CNTN5: variants seen among roughly 807,000 people sequenced by gnomAD.
CNTN5 encodes contactin 5.
CNTN5 carries 77 observed loss-of-function variants against 129.1 expected under a neutral mutation model. That is an observed-to-expected ratio of 0.60 (90% CI 0.50 to 0.72). The LOEUF (loss-of-function observed/expected upper bound fraction) is 0.72. CNTN5 is among the 30% of genes least tolerant of loss of function. The probability of loss-of-function intolerance (pLI) is 0.00; values close to 1 mark genes in which losing one functional copy is unlikely to be tolerated. For missense variants in CNTN5, 1,478 were observed against 1,328.8 expected, an observed-to-expected ratio of 1.11 and a Z score of -1.75; for synonymous variants, 509 against 465.6, an observed-to-expected ratio of 1.09 and a Z score of -1.20.
chr11:99,633,328 G>A (rs943622733), intron 3 of CNTN5, among the ~76,000 whole-genome samples: 1 of 152,176 alleles, frequency 6.6e-6, no homozygotes. Context: ...TATAGTAATG[G>A]CATATTTAGA....
intron 3 of CNTN5, among the ~76,000 whole-genome samples, chr11:99,681,778 T>G (rs1351682544): frequency 6.6e-6 from 1 of 152,070 alleles, no homozygotes; most frequent in African/African-American, 2.4e-5. Context: ...CTTAGATCTA[T>G]ATATTGAAAA....
intron 3 of CNTN5, among the ~76,000 whole-genome samples, chr11:99,626,289 A>G (rs1383416329): frequency 6.6e-6 from 1 of 152,130 alleles, no homozygotes; most frequent in Non-Finnish European, 1.5e-5. Context: ...CAAATTGTTC[A>G]GTGCCTCCGA....
chr11:99,911,398 T>C (rs1949655320), intron 6 of CNTN5, among the ~76,000 whole-genome samples: 1 of 151,924 alleles, frequency 6.6e-6, no homozygotes, highest in Non-Finnish European at 1.5e-5. Flanking sequence ...ACATTGCCAC[T>C]TATTCAGAAC....
intron 3 of CNTN5, among the ~76,000 whole-genome samples, chr11:99,679,582 C>T (rs1046208235): frequency 2.0e-5 from 3 of 152,148 alleles, no homozygotes; most frequent in Non-Finnish European, 4.4e-5. Context: ...TGCATGTGTT[C>T]TGACTGCTCC....
At position 99,727,169 on chromosome 11, in the gene CNTN5, G is replaced by A. The variant is rs111732045; in HGVS notation, c.56-92375G>A. ...AAAATACAAAAAATTAGCCGGGCGC[G>A]GTGGCGGGCGCCTGTAGTCCCAGCT... On this transcript the variant is annotated intron_variant, in intron 3 of 24. Transcript: ENST00000524871. 4.8e-3 allele frequency among the ~76,000 whole-genome samples: 709 copies of A among 148,812 alleles called. 1 individual carries two copies. The highest frequency in any genetic ancestry group is 9.4e-3 in the South Asian group (43 of 4,554).
At chr11:100,126,355 T>C (rs1946182935) in intron 13 of CNTN5, among the ~76,000 whole-genome samples, 1 of 152,138 alleles carries the variant, frequency 6.6e-6, no homozygotes, top group South Asian at 2.1e-4. Flanking sequence ...TTGTTAATTT[T>C]GTACCTTGAT....
intron 1 of CNTN5, among the ~76,000 whole-genome samples, chr11:99,030,999 G>A (rs1289026513): frequency 2.6e-5 from 4 of 151,276 alleles, no homozygotes; most frequent in African/African-American, 9.7e-5. Flanking sequence ...GGGTTTCACC[G>A]TGTTAGCCAG....
intron 15 of CNTN5, among the ~76,000 whole-genome samples, chr11:100,215,194 C>T (rs934117200): frequency 4.6e-5 from 7 of 152,158 alleles, no homozygotes; most frequent in South Asian, 2.1e-4. Flanking sequence ...GAATGTAGTA[C>T]AATTTTTCTT....
intron 1 of CNTN5, among the ~76,000 whole-genome samples, chr11:99,266,263 A>G (rs1203881227): frequency 4.6e-5 from 7 of 152,122 alleles, no homozygotes; most frequent in Non-Finnish European, 1.0e-4. Context: ...CTTAGCATAT[A>G]CATTGTATTA....
At chr11:99,397,037 G>C (rs759103330) in intron 2 of CNTN5, among the ~76,000 whole-genome samples, 11 of 151,724 alleles carry the variant, frequency 7.3e-5, no homozygotes, top group Non-Finnish European at 1.3e-4. Context: ...CTAATAGATA[G>C]GAAGATACAA....
intron 2 of CNTN5, among the ~76,000 whole-genome samples, chr11:99,390,815 T>G (rs1206948510): frequency 6.6e-6 from 1 of 152,146 alleles, no homozygotes; most frequent in Admixed American, 6.6e-5. Context: ...TATCATAAAT[T>G]GTTATTTTAA....
intron 8 of CNTN5, among the ~76,000 whole-genome samples, chr11:99,959,055 G>A (rs149920819): frequency 6.6e-6 from 1 of 152,240 alleles, no homozygotes; most frequent in East Asian, 1.9e-4. Flanking sequence ...CACATTTCAT[G>A]AATAATCATT....
intron 3 of CNTN5, among the ~76,000 whole-genome samples, chr11:99,787,659 C>A (rs1488028818): frequency 6.6e-6 from 1 of 151,708 alleles, no homozygotes; most frequent in African/African-American, 2.4e-5. Flanking sequence ...CCAATTATTT[C>A]AAAGAAGAAA....
At chr11:99,774,421 G>A (rs1380139536) in intron 3 of CNTN5, among the ~76,000 whole-genome samples, 1 of 150,608 alleles carries the variant, frequency 6.6e-6, no homozygotes, top group Non-Finnish European at 1.5e-5. Context: ...TAAAGTTTGT[G>A]TGTCTCATGA....
chr11:99,720,630 A>G (rs542668127), intron 3 of CNTN5, among the ~76,000 whole-genome samples: 6 of 152,162 alleles, frequency 3.9e-5, no homozygotes, highest in African/African-American at 1.2e-4. Flanking sequence ...CCTATTCAAC[A>G]TAGTATTGGA....
In CNTN5 at chr11:100,065,386, A is replaced by G. The variant is rs182781243; in HGVS notation, c.1162+3993A>G. Among the ~76,000 whole-genome samples, 16 of 152,230 alleles carry G rather than the reference A, an allele frequency of 1.1e-4. No homozygotes were observed. The East Asian group carries it at 2.9e-3, about 28-fold the overall frequency. The stretch of plus-strand genomic sequence containing the variant: ...TAAAGATGAATGCTTAGGTATGCAC[A>G]TCATTTTATAATGTCCACTATGAAA... On this transcript the variant is annotated intron_variant, in intron 10 of 24. Transcript: ENST00000524871.
At chr11:99,231,342 T>C (rs1860985788) in intron 1 of CNTN5, among the ~76,000 whole-genome samples, 1 of 152,214 alleles carries the variant, frequency 6.6e-6, no homozygotes, top group Non-Finnish European at 1.5e-5. Context: ...ATCACCATTC[T>C]AACTGGCCTG....
At chr11:99,624,673 C>T (rs1355944924) in intron 3 of CNTN5, among the ~76,000 whole-genome samples, 2 of 152,114 alleles carry the variant, frequency 1.3e-5, no homozygotes, top group Non-Finnish European at 2.9e-5. Flanking sequence ...TTTGAGAAAG[C>T]ATAACATGGT....
intron 12 of CNTN5, 59 bp downstream of exon 12, chr11:100,071,893 A>G (rs957688364): frequency 5.0e-6 from 7 of 1,402,646 alleles, no homozygotes; most frequent in Non-Finnish European, 6.7e-6. Flanking sequence ...TTCATGCTCT[A>G]ATTTTTACTA....
Sources: gnomAD v4.1 joint callset for allele counts (sites outside exome capture counted in the v4.1 genomes callset) on GRCh38, gnomAD v4.1.1 for gene constraint, MANE v1.5 for transcripts, NCBI Gene and HGNC (gene_info 2026-07-23, HGNC 2026-07-21) for gene names.